The following PMM2 variants were observed in gnomAD, a reference collection of about 807,000 sequenced individuals.
The protein encoded by PMM2 is phosphomannomutase 2.
A neutral mutation model predicts 33.2 loss-of-function variants in PMM2; 35 were observed. The ratio of observed to expected loss-of-function variants is 1.06; its 90% CI spans 0.81 to 1.40. PMM2 has a LOEUF of 1.40. Among genes scored for constraint, PMM2 ranks in the 40% most tolerant of loss-of-function variants. The pLI is 0.00. For missense variants in PMM2, 386 were observed against 306.0 expected, an observed-to-expected ratio of 1.26 and a Z score of -1.95; for synonymous variants, 153 against 114.7, an observed-to-expected ratio of 1.33 and a Z score of -2.13.
At chr16:8,820,267 A>G (rs1447605642) in intron 7 of PMM2, among the ~76,000 whole-genome samples, 1 of 151,958 alleles carries the variant, frequency 6.6e-6, no homozygotes, top group Non-Finnish European at 1.5e-5. Context: ...GTTGACCCAG[A>G]TCTGGCCCCA....
intron 7 of PMM2, among the ~76,000 whole-genome samples, chr16:8,834,883 G>A (rs1222568010): frequency 7.2e-5 from 11 of 152,156 alleles, no homozygotes; most frequent in African/African-American, 2.4e-4. Context: ...GGGGTCAGGT[G>A]TGGTATCAGG....
At chr16:8,845,003 C>T (rs1436957473) in intron 7 of PMM2, among the ~76,000 whole-genome samples, 3 of 152,180 alleles carry the variant, frequency 2.0e-5, no homozygotes, top group Admixed American at 2.0e-4. Flanking sequence ...AGGGAGGTCT[C>T]CCGATCTGAG....
At chr16:8,832,593 G>C in intron 7 of PMM2, 1 of 985,434 alleles carries the variant, frequency 1.0e-6, no homozygotes, top group Non-Finnish European at 1.2e-6. Context: ...TCTCTTCCCA[G>C]GTAATGGCCT....
intron 7 of PMM2, among the ~76,000 whole-genome samples, chr16:8,837,557 G>C: frequency 6.6e-6 from 1 of 151,552 alleles, no homozygotes; most frequent in East Asian, 1.9e-4. Context: ...GAAAAGCAGA[G>C]AAGGGGTTGG....
chr16:8,842,026 G>C (rs1210958850), intron 7 of PMM2, among the ~76,000 whole-genome samples: 1 of 148,344 alleles, frequency 6.7e-6, no homozygotes, highest in South Asian at 2.2e-4. Context: ...GCAGACATGA[G>C]GGCTAGGCTA....
intron 7 of PMM2, among the ~76,000 whole-genome samples, chr16:8,835,724 G>A (rs1034777929): frequency 5.9e-5 from 9 of 152,134 alleles, no homozygotes; most frequent in East Asian, 3.9e-4. Flanking sequence ...TGTAGCAGGC[G>A]AGTGATAACA....
chr16:8,837,260 G>T (rs1354639834), intron 7 of PMM2, among the ~76,000 whole-genome samples: 1 of 151,966 alleles, frequency 6.6e-6, no homozygotes, highest in African/African-American at 2.4e-5. Flanking sequence ...CCCATTTTAC[G>T]ACAAGAATTA....
intron 7 of PMM2, among the ~76,000 whole-genome samples, chr16:8,834,183 G>C (rs141655863): frequency 1.9e-4 from 29 of 152,324 alleles, no homozygotes; most frequent in African/African-American, 5.8e-4. Flanking sequence ...AGTGGTAAAA[G>C]TATTGTCCAG....
In PMM2 at chr16:8,839,003, G is replaced by C. The variant is rs575259944; in HGVS notation, c.640-8721G>C. On this transcript the variant is annotated intron_variant, in intron 7 of 7. Coordinates refer to ENST00000268261, the MANE Select transcript of PMM2 (RefSeq NM_000303.3). ...TGGGCCTGGAGGACTGATAAAGTTT[G>C]TGACATGTCTGTGATGCTAGCAGAG... Among the ~76,000 whole-genome samples the C allele has an allele frequency of 8.5e-5, 13 of 152,128 alleles. No homozygotes were observed. The South Asian group carries it at 2.7e-3, about 32-fold the overall frequency.
At position 8,818,567 on chromosome 16, in the gene PMM2, C is replaced by T. The variant is rs2060720372; in HGVS notation, c.639+5461C>T. ...TTTGCCGGCGTCCAGGGAAGTGATC[C>T]TGAGCTGAGGCTGTCAGTAAAAAAG... On this transcript the variant is annotated intron_variant, in intron 7 of 7. Transcript: ENST00000268261. Among the ~76,000 whole-genome samples the T allele has an allele frequency of 2.0e-5, 3 of 152,170 alleles. No homozygotes were observed. The South Asian group carries it at 6.2e-4, about 32-fold the overall frequency.
chr16:8,804,034 T>TTTTTTG (rs780534940), intron 2 of PMM2, among the ~76,000 whole-genome samples: 14,148 of 113,364 alleles, frequency 0.12, 619 homozygotes, highest in East Asian at 0.19. Context: ...TTTTTTTGTT[T>TTTTTTG]TTTTTTTTTT....
At chr16:8,816,573 C>G (rs1440140371) in intron 7 of PMM2, among the ~76,000 whole-genome samples, 2 of 139,630 alleles carry the variant, frequency 1.4e-5, no homozygotes, top group Non-Finnish European at 3.2e-5. Flanking sequence ...GAAACCCCGT[C>G]TCTACTAAAA....
intron 7 of PMM2, among the ~76,000 whole-genome samples, chr16:8,847,158 C>G (rs927576902): frequency 3.9e-5 from 6 of 152,140 alleles, no homozygotes; most frequent in African/African-American, 1.4e-4. Context: ...GCCACCATGC[C>G]CGGCCCACGT....
intron 7 of PMM2, among the ~76,000 whole-genome samples, chr16:8,816,754 T>G (rs1015517254): frequency 6.6e-6 from 1 of 151,970 alleles, no homozygotes; most frequent in African/African-American, 2.4e-5. Context: ...AAAGATAAAA[T>G]AAATGTTGGC....
chr16:8,812,986 G>A lies in PMM2; in HGVS notation c.524-5G>A, dbSNP rs373584132. 37 of 1,571,038 alleles carry A rather than the reference G, an allele frequency of 2.4e-5. No homozygotes were observed. Among genetic ancestry groups the A allele is most frequent in the African/African-American group, 8.1e-5 (6 of 74,048 alleles). On this transcript the variant is annotated splice_region_variant and splice_polypyrimidine_tract_variant and intron_variant, in intron 6 of 7. Transcript: ENST00000268261. Reference sequence around the variant, plus strand: ...GCCTTTGTGTGCCCCGTCCCCACCCGGCAGGAGGCCAGATCAGCTTTGATG... The same window carrying A: ...GCCTTTGTGTGCCCCGTCCCCACCCAGCAGGAGGCCAGATCAGCTTTGATG...
chr16:8,825,717 ATTGT>A (rs1350809453), intron 7 of PMM2, among the ~76,000 whole-genome samples: 1 of 151,336 alleles, frequency 6.6e-6, no homozygotes, highest in African/African-American at 2.4e-5. Context: ...ACCCTTTATA[ATTGT>A]TTGTTAACAA....
chr16:8,821,847 C>G (rs2060741084), intron 7 of PMM2, among the ~76,000 whole-genome samples: 1 of 152,230 alleles, frequency 6.6e-6, no homozygotes, highest in Non-Finnish European at 1.5e-5. Context: ...TTGGGCCATG[C>G]CCCAAACAAG....
chr16:8,815,116 C>A (rs760581797), intron 7 of PMM2, among the ~76,000 whole-genome samples: 1 of 152,128 alleles, frequency 6.6e-6, no homozygotes, highest in Non-Finnish European at 1.5e-5. Flanking sequence ...CTTATTCACT[C>A]AGTATGTCTT....
chr16:8,799,322 T>A (rs1472613305), intron 1 of PMM2, among the ~76,000 whole-genome samples: 1 of 152,150 alleles, frequency 6.6e-6, no homozygotes, highest in African/African-American at 2.4e-5. Context: ...CCATCTTTCT[T>A]CCCAGGTAGG....
Sources: gnomAD v4.1 joint callset for allele counts (sites outside exome capture counted in the v4.1 genomes callset) on GRCh38, gnomAD v4.1.1 for gene constraint, MANE v1.5 for transcripts, NCBI Gene and HGNC (gene_info 2026-07-23, HGNC 2026-07-21) for gene names.